Variants in SHPRH observed in about 807,000 individuals in gnomAD.
The protein encoded by SHPRH is SNF2 histone linker PHD RING helicase.
Under a neutral mutation model 202.5 loss-of-function variants are expected in SHPRH, and 106 were observed. That is an observed-to-expected ratio of 0.52 (90% CI 0.45 to 0.62). The LOEUF (loss-of-function observed/expected upper bound fraction) is 0.62. SHPRH is among the 20% of genes least tolerant of loss of function. SHPRH has a pLI of 0.00. For missense variants in SHPRH, 1,710 were observed against 2,020.0 expected (o/e 0.85, Z 2.94); for synonymous variants, 729 against 686.0 (o/e 1.06, Z -0.98).
intron 25 of SHPRH, chr6:145,909,690 A>G (rs560095225): frequency 2.6e-5 from 4 of 152,126 alleles, no homozygotes; most frequent in Non-Finnish European, 5.9e-5. Context: ...TCATTCTCTA[A>G]TTCTCATTCT....
chr6:145,916,489 C>G (rs1783963993), intron 23 of SHPRH, among the ~76,000 whole-genome samples: 1 of 152,064 alleles, frequency 6.6e-6, no homozygotes, highest in Admixed American at 6.6e-5. Context: ...TCCTTTTTCA[C>G]CACTGGGGTG....
intron 16 of SHPRH, among the ~76,000 whole-genome samples, chr6:145,925,377 CAAT>C (rs1429840633): frequency 6.8e-6 from 1 of 147,646 alleles, no homozygotes; most frequent in African/African-American, 2.5e-5. Context: ...CACATGCATG[CAAT>C]AAAAATAAAG....
At chr6:145,866,563 A>G (rs1413403265) in intron 2 of SHPRH, among the ~76,000 whole-genome samples, 2 of 152,126 alleles carry the variant, frequency 1.3e-5, no homozygotes, top group African/African-American at 4.8e-5. Context: ...TGGTTTTATC[A>G]TTATCAGACA....
rs754660416 is a variant in SHPRH at position 145,886,730 on chromosome 6, C to T, written c.5013G>A (p.Leu1671=). The T allele has an allele frequency of 6.8e-6, 11 of 1,613,514 alleles. No individual in the cohort carries two copies. The highest frequency in any genetic ancestry group is 2.2e-5 in the South Asian group (2 of 91,070). ...SEASVLTVAD[L]ADLFTKETEE... is the part of the protein sequence containing the mutation. Reference sequence around the variant, plus strand: ...CAGTTTCTTTGGTAAATAGGTCTGCCAGGTCAGCCACAGTCAAGACAGAGG... The same window carrying T: ...CAGTTTCTTTGGTAAATAGGTCTGCTAGGTCAGCCACAGTCAAGACAGAGG... The change falls in exon 30 of 30, where the codon CTG becomes CTA. Residue 1671 remains leucine, a synonymous_variant. Transcript: ENST00000275233.
chr6:145,886,756 C>G lies in SHPRH; in HGVS notation c.4987G>C (p.Ala1663Pro), dbSNP rs780653690. ...AGGTCAGCCACAGTCAAGACAGAGG[C>G]CTCTGAATGCTTTGCTGATGAGTTC... ...HTNSSAKHSE[A>P]SVLTVADLAD... The change falls in exon 30 of 30, where the codon GCC (alanine) becomes CCC (proline). Residue 1663 changes from alanine to proline, a missense_variant. Physicochemically the swap from Ala to Pro is conservative, Grantham distance 27 (BLOSUM62 -1). Transcript: ENST00000275233. 1 of 1,613,578 alleles carries G rather than the reference C, an allele frequency of 6.2e-7. No homozygotes were observed. The highest frequency in any genetic ancestry group is 1.3e-5 in the African/African-American group (1 of 74,902).
Position 145,943,595 on chromosome 6 carries a change from C to G in SHPRH, c.1786G>C (p.Asp596His), listed in dbSNP as rs750369986. Residue 596 changes from aspartate to histidine, a missense_variant, in exon 9 of 30, where the codon GAT (aspartate) becomes CAT (histidine). Asp to His is a moderately conservative substitution (Grantham distance 81). Transcript: ENST00000275233. ...GTAGCTGGACAGTGACCTTGTGAATCGGGATTGATAAATGGTTGACTTTTT... is the reference window on the plus strand; with the variant it reads ...GTAGCTGGACAGTGACCTTGTGAATGGGGATTGATAAATGGTTGACTTTTT... ...KGKSQPFINP[D>H]SQGHCPATSD... 1 of 1,613,662 alleles carries G rather than the reference C, an allele frequency of 6.2e-7. No individual in the cohort carries two copies. The highest frequency in any genetic ancestry group is 1.1e-5 in the South Asian group (1 of 91,064).
chr6:145,910,554 C>T lies in SHPRH; in HGVS notation c.4409G>A (p.Arg1470Lys). The T allele has an allele frequency of 2.5e-6, 4 of 1,613,100 alleles. No individual in the cohort carries two copies. The highest frequency in any genetic ancestry group is 3.4e-6 in the Non-Finnish European group (4 of 1,179,608). Residue 1470 changes from arginine (R) to lysine (K), a missense_variant, in exon 25 of 30, where the codon AGA (arginine) becomes AAA (lysine). This residue lies in a region of SHPRH where 306 missense variants were observed against 479.5 expected (regional missense o/e 0.64). Transcript: ENST00000275233. ...IIEQYSVGSH[R>K]SSIKCAICRQ... Reference sequence around the variant, plus strand: ...GCAGATTGCACACTTAATGGAGCTTCTGTGAGATCCCACGCTGTATTGTTC... The same window carrying T: ...GCAGATTGCACACTTAATGGAGCTTTTGTGAGATCCCACGCTGTATTGTTC...
In SHPRH at chr6:145,934,770, TC is replaced by T. The variant is rs1397607236; in HGVS notation, c.2990+136del. On this transcript the variant is annotated intron_variant, in intron 13 of 29. Transcript: ENST00000275233. ...GGTAATTCTCCGTTGCAAATGAGCT[TC>T]CATACCAAAGAAAACCCTCTACACC... 7.9e-6 allele frequency: 6 copies of T among 760,782 alleles called. No individual in the cohort carries two copies. In the African/African-American group the frequency reaches 1.1e-4, roughly 13 times the overall value. The allele number at this position is 760,782 out of a possible 1,614,324, so 47.1% of individuals were successfully genotyped here.
chr6:145,910,426 A>C (rs533626739), intron 25 of SHPRH, 22 bp downstream of exon 25: 1 of 1,610,842 alleles, frequency 6.2e-7, no homozygotes, highest in South Asian at 1.1e-5. Context: ...CTATGCTTCT[A>C]TGTGTTCCTG....
chr6:145,938,690 C>T (rs574331392), intron 11 of SHPRH, among the ~76,000 whole-genome samples: 38 of 152,170 alleles, frequency 2.5e-4, no homozygotes, highest in Non-Finnish European at 4.1e-4. Context: ...CTTTAAAACA[C>T]CTTATTTTAT....
intron 14 of SHPRH, among the ~76,000 whole-genome samples, chr6:145,930,011 T>C (rs1351176001): frequency 6.6e-6 from 1 of 152,138 alleles, no homozygotes; most frequent in Non-Finnish European, 1.5e-5. Flanking sequence ...ACAAAGACAC[T>C]GAAGTTCGGA....
chr6:145,898,227 G>A (rs764251136), intron 25 of SHPRH, among the ~76,000 whole-genome samples: 1 of 151,666 alleles, frequency 6.6e-6, no homozygotes, highest in Admixed American at 6.6e-5. Context: ...CAAAAAGGAC[G>A]TCAAGAAAAA....
intron 25 of SHPRH, chr6:145,909,012 C>G (rs1343406300): frequency 6.6e-6 from 1 of 152,046 alleles, no homozygotes; most frequent in Non-Finnish European, 1.5e-5. Flanking sequence ...AGGATCCTTT[C>G]CCCATTGTTT....
intron 29 of SHPRH, among the ~76,000 whole-genome samples, 170 bp from the exon 30 acceptor site, chr6:145,886,957 G>A (rs527265079): frequency 2.6e-5 from 4 of 152,284 alleles, no homozygotes; most frequent in East Asian, 1.9e-4. Context: ...CCTTGTCAAA[G>A]TGAAGATTTC....
chr6:145,944,381 AG>A (rs1469693546), intron 8 of SHPRH, among the ~76,000 whole-genome samples: 1 of 152,178 alleles, frequency 6.6e-6, no homozygotes, highest in Non-Finnish European at 1.5e-5. Context: ...TGGAAAAGTG[AG>A]AACAGTAAAA....
chr6:145,868,414 TA>T lies in SHPRH; in HGVS notation c.222-3924del, dbSNP rs1404767863. On this transcript the variant is annotated intron_variant, in intron 2 of 2. Coordinates refer to the SHPRH transcript ENST00000417762. Reference sequence around the variant, plus strand: ...AATGACCAAAGCCCACAACTCTGCTTAATATCACACAGCTGATAAGTTGTGA... The same window carrying T: ...AATGACCAAAGCCCACAACTCTGCTTATATCACACAGCTGATAAGTTGTGA... Among the ~76,000 whole-genome samples, 6 of 152,342 alleles carry T rather than the reference TA, an allele frequency of 3.9e-5. No homozygotes were observed. In the East Asian group the frequency reaches 9.6e-4, roughly 24 times the overall value.
At chr6:145,914,201 T>C (rs1046651649) in intron 23 of SHPRH, among the ~76,000 whole-genome samples, 1 of 152,056 alleles carries the variant, frequency 6.6e-6, no homozygotes, top group Admixed American at 6.6e-5. Context: ...CTCATGCTCA[T>C]GTTTGGCAGT....
Position 145,902,653 on chromosome 6 carries a change from G to A in SHPRH, c.4516-7676C>T, listed in dbSNP as rs556331787. Among the ~76,000 whole-genome samples, 14 of 152,092 alleles carry A rather than the reference G, an allele frequency of 9.2e-5. No individual in the cohort carries two copies. The East Asian group carries it at 1.7e-3, about 19-fold the overall frequency. On this transcript the variant is annotated intron_variant, in intron 25 of 29. Coordinates refer to ENST00000275233, the MANE Select transcript of SHPRH (RefSeq NM_001042683.3). ...CTTATTATTGGGGAAAAAAGAGGGC[G>A]CAATATTAATGGTAAAAATCTGAGT...
chr6:145,943,679 TATAATA>T lies in SHPRH; in HGVS notation c.1696_1701del (p.Tyr566_Tyr567del), dbSNP rs748606336. 4.3e-6 allele frequency: 7 copies of T among 1,613,880 alleles called. No individual in the cohort carries two copies. Among genetic ancestry groups the T allele is most frequent in the African/African-American group, 1.3e-5 (1 of 75,010 alleles). ...AATTTACTGCGATTTCTCCTGGACT[TATAATA>T]ATAATAGTAAGGATCATCATCATCA... On this transcript the variant is annotated inframe_deletion, in exon 9 of 30. Transcript: ENST00000275233.
Sources: allele counts gnomAD v4.1 joint callset (sites outside exome capture counted in the v4.1 genomes callset), GRCh38; gene constraint gnomAD v4.1.1; regional missense constraint gnomAD v4.1.1; transcripts MANE v1.5; gene names NCBI Gene and HGNC (gene_info 2026-07-23, HGNC 2026-07-21).